OPCML: variants seen among roughly 807,000 people sequenced by gnomAD.
OPCML encodes the protein opioid binding protein/cell adhesion molecule like, also known as opioid-binding protein/cell adhesion molecule.
Under a neutral mutation model 37.8 loss-of-function variants are expected in OPCML, and 13 were observed. That is an observed-to-expected ratio of 0.34 (90% CI 0.22 to 0.55). OPCML has a LOEUF of 0.55. Ranked by LOEUF, OPCML falls within the 20% of genes least tolerant of loss-of-function variation. The pLI is 0.91. For synonymous variants in OPCML, 176 were observed against 168.8 expected (o/e 1.04, Z -0.33); for missense variants, 341 against 435.6 (o/e 0.78, Z 1.93).
Position 133,208,384 on chromosome 11 carries a change from A to G in OPCML, c.62-265374T>C, listed in dbSNP as rs958654657. On this transcript the variant is annotated intron_variant, in intron 1 of 7. Coordinates refer to ENST00000524381, the MANE Select transcript of OPCML (RefSeq NM_001012393.5). The surrounding 1 kb of genome is among the most constrained non-coding windows in gnomAD (Gnocchi z 8.9). ...CAGCTGGGGCATGGTAGAAAGGGCC[A>G]TAGGTTAGGATTTTATAACTCTCTG... Among the ~76,000 whole-genome samples, 1 of 152,180 alleles carries G rather than the reference A, an allele frequency of 6.6e-6. No homozygotes were observed. Among genetic ancestry groups the G allele is most frequent in the African/African-American group, 2.4e-5 (1 of 41,446 alleles).
rs141201944 is a variant in OPCML, at chr11:133,139,913, G to A, written c.62-196903C>T. On this transcript the variant is annotated intron_variant, in intron 1 of 7. Coordinates refer to ENST00000524381, the MANE Select transcript of OPCML (RefSeq NM_001012393.5). ...GGAAAAAATAGAGTTGAGGCCAGGC[G>A]CGGTGGCTCACTCCTGTAATCCTAG... is the stretch of plus-strand genomic sequence containing the variant. 1.2e-4 allele frequency among the ~76,000 whole-genome samples: 19 copies of A among 152,240 alleles called. No individual in the cohort carries two copies. In the East Asian group the frequency reaches 2.3e-3, roughly 19 times the overall value.
At chr11:132,588,387 G>T (rs796886722) in intron 3 of OPCML, among the ~76,000 whole-genome samples, 8 of 152,296 alleles carry the variant, frequency 5.3e-5, no homozygotes, top group African/African-American at 1.9e-4. Flanking sequence ...GAGATGGGGG[G>T]AGTCTAGAAC....
intron 2 of OPCML, among the ~76,000 whole-genome samples, chr11:132,841,140 A>G (rs1046689502): frequency 6.6e-6 from 1 of 152,372 alleles, no homozygotes; most frequent in East Asian, 1.9e-4. Context: ...ATTAGCCGTT[A>G]AAGCAGCCAT....
chr11:133,274,705 C>T (rs1941943398), intron 1 of OPCML, among the ~76,000 whole-genome samples: 1 of 152,230 alleles, frequency 6.6e-6, no homozygotes, highest in Non-Finnish European at 1.5e-5. Flanking sequence ...CTTCCAGGAG[C>T]ACAGGGTCCA....
intron 1 of OPCML, among the ~76,000 whole-genome samples, chr11:133,231,426 G>A (rs1940270551): frequency 6.6e-6 from 1 of 152,166 alleles, no homozygotes; most frequent in Non-Finnish European, 1.5e-5. Flanking sequence ...GCACAGGGCA[G>A]TCTGCACCCC....
At chr11:132,893,034 A>G (rs1943710740) in intron 2 of OPCML, among the ~76,000 whole-genome samples, 1 of 151,890 alleles carries the variant, frequency 6.6e-6, no homozygotes, top group African/African-American at 2.4e-5. Context: ...TCTCACTCAC[A>G]TTTCACCCCT....
intron 4 of OPCML, among the ~76,000 whole-genome samples, chr11:132,492,728 C>T (rs2512698): frequency 0.23 from 35,360 of 151,876 alleles, 4,939 homozygotes; most frequent in East Asian, 0.62. Context: ...CGTTTAAAAG[C>T]ATGATATAGG....
intron 3 of OPCML, among the ~76,000 whole-genome samples, chr11:132,605,994 T>C (rs1938266535): frequency 6.6e-6 from 1 of 152,192 alleles, no homozygotes; most frequent in South Asian, 2.1e-4. Flanking sequence ...TGAATACTTT[T>C]GAGTTACCCT....
At chr11:133,278,327 T>TA (rs1379517902) in intron 1 of OPCML, among the ~76,000 whole-genome samples, 2 of 152,132 alleles carry the variant, frequency 1.3e-5, no homozygotes, top group Non-Finnish European at 2.9e-5. Flanking sequence ...TTTTCTTTTT[T>TA]AGGGGGGGTT....
chr11:132,508,898 A>G (rs2096263066), intron 4 of OPCML, among the ~76,000 whole-genome samples: 1 of 152,230 alleles, frequency 6.6e-6, no homozygotes, highest in African/African-American at 2.4e-5. Context: ...CTGAAAAGAT[A>G]CATGAAAATG....
intron 1 of OPCML, among the ~76,000 whole-genome samples, chr11:133,231,172 T>G (rs773267893): frequency 6.6e-6 from 1 of 152,190 alleles, no homozygotes; most frequent in African/African-American, 2.4e-5. Flanking sequence ...GAGATTTCAT[T>G]GAAGCATAAT....
intron 1 of OPCML, among the ~76,000 whole-genome samples, chr11:133,427,612 T>C (rs745763449): frequency 2.3e-4 from 35 of 151,842 alleles, no homozygotes; most frequent in Non-Finnish European, 1.5e-4. Context: ...CAACAACAGA[T>C]TTAGAAAATA....
At chr11:132,534,099 C>A (rs925414922) in intron 3 of OPCML, among the ~76,000 whole-genome samples, 19 of 152,058 alleles carry the variant, frequency 1.2e-4, no homozygotes, top group Non-Finnish European at 1.5e-4. Flanking sequence ...TTGCTCTATC[C>A]TCTCCCTGAA....
intron 3 of OPCML, among the ~76,000 whole-genome samples, chr11:132,609,454 T>C (rs140517145): frequency 3.4e-4 from 52 of 152,168 alleles, no homozygotes; most frequent in African/African-American, 1.2e-3. Flanking sequence ...CACAGTTGTT[T>C]CTCTGCCTAC....
intron 1 of OPCML, among the ~76,000 whole-genome samples, chr11:133,423,951 A>G (rs1262839499): frequency 6.6e-6 from 1 of 152,180 alleles, no homozygotes; most frequent in Non-Finnish European, 1.5e-5. Context: ...TGAGATCCTC[A>G]CCAGAAGCCA....
chr11:133,122,829 G>A (rs999843672), intron 1 of OPCML, among the ~76,000 whole-genome samples: 5 of 152,126 alleles, frequency 3.3e-5, no homozygotes, highest in African/African-American at 7.2e-5. Flanking sequence ...TCTCAATAAA[G>A]GCTTAGCAAA....
At chr11:132,682,438 A>T (rs1942989173) in intron 2 of OPCML, among the ~76,000 whole-genome samples, 1 of 152,220 alleles carries the variant, frequency 6.6e-6, no homozygotes. Context: ...CTTTGTTTTT[A>T]ACTGTTAAGA....
At chr11:132,816,685 G>A (rs143418538) in intron 2 of OPCML, among the ~76,000 whole-genome samples, 4 of 152,268 alleles carry the variant, frequency 2.6e-5, no homozygotes, top group African/African-American at 9.6e-5. Flanking sequence ...AGTTCTGAGA[G>A]AGTTTTTGGT....
intron 1 of OPCML, among the ~76,000 whole-genome samples, chr11:133,226,357 G>T (rs7930528): frequency 6.6e-6 from 1 of 152,170 alleles, no homozygotes; most frequent in African/African-American, 2.4e-5. Flanking sequence ...TGGGGGGTTA[G>T]GGGTGTTCCA....
Sources: gnomAD v4.1 joint callset for allele counts (sites outside exome capture counted in the v4.1 genomes callset) on GRCh38, gnomAD v4.1.1 for gene constraint, Gnocchi (gnomAD v3.1) non-coding constraint, MANE v1.5 for transcripts, NCBI Gene and HGNC (gene_info 2026-07-23, HGNC 2026-07-21) for gene names.